Variants in BRI3 observed in about 807,000 individuals in gnomAD.
The protein encoded by BRI3 is membrane protein BRI3.
Under a neutral mutation model 12.8 loss-of-function variants are expected in BRI3, and 6 were observed. The observed-to-expected ratio is 0.47, with a 90% CI of 0.26 to 0.93. The LOEUF (loss-of-function observed/expected upper bound fraction) is 0.93. Ranked by LOEUF, BRI3 falls within the 40% of genes least tolerant of loss-of-function variation. The pLI is 0.15. For missense variants in BRI3, 134 were observed against 171.1 expected, an observed-to-expected ratio of 0.78 and a Z score of 1.21; for synonymous variants, 91 against 76.1, an observed-to-expected ratio of 1.20 and a Z score of -1.02.
upstream of BRI3, among the ~76,000 whole-genome samples, chr7:98,302,757 T>G (rs188702153): frequency 6.6e-6 from 1 of 152,282 alleles, no homozygotes; most frequent in East Asian, 1.9e-4. Flanking sequence ...TGGAGCTGAT[T>G]TGGATCCAGA....
At chr7:98,305,040 GTT>G (rs1386050479), upstream of BRI3, among the ~76,000 whole-genome samples, 1 of 87,152 alleles carries the variant, frequency 1.1e-5, no homozygotes, top group African/African-American at 5.1e-5. Flanking sequence ...TAATTTTTTT[GTT>G]TTTTGTTTTT....
upstream of BRI3, among the ~76,000 whole-genome samples, chr7:98,305,314 T>C (rs1029815928): frequency 9.1e-6 from 1 of 109,706 alleles, no homozygotes; most frequent in African/African-American, 3.3e-5. Context: ...AGCAATGAGC[T>C]AAGAGTTAAA....
intron 2 of BRI3, 114 bp from the exon 3 acceptor site, chr7:98,290,997 T>TC: frequency 8.1e-7 from 1 of 1,231,960 alleles, no homozygotes; most frequent in South Asian, 1.3e-5. Context: ...TCGCCAGAGG[T>TC]CCCCATGTGA....
chr7:98,292,553 C>A, downstream of BRI3: 1 of 1,296,968 alleles, frequency 7.7e-7, no homozygotes, highest in Non-Finnish European at 1.1e-6. Context: ...CTCAGGGCAG[C>A]CAGTGCGTAG....
chr7:98,300,089 C>G (rs899769884), intron 1 of BRI3, among the ~76,000 whole-genome samples: 1 of 152,324 alleles, frequency 6.6e-6, no homozygotes, highest in East Asian at 1.9e-4. Flanking sequence ...CTAGTTCCTT[C>G]GTTGCACCAT....
the BRI3 span, chr7:98,317,300 T>C: frequency 3.1e-6 from 5 of 1,614,224 alleles, no homozygotes; most frequent in Admixed American, 8.3e-5. Flanking sequence ...CAGCTTGGGA[T>C]TTCTCCAAAG....
downstream of BRI3, chr7:98,292,408 A>C: frequency 1.8e-6 from 1 of 550,948 alleles, no homozygotes; most frequent in Non-Finnish European, 3.2e-6. Context: ...TCCTGACCTC[A>C]GGTGATCCCC....
the BRI3 span, among the ~76,000 whole-genome samples, chr7:98,319,854 A>G: frequency 2.6e-5 from 4 of 152,188 alleles, no homozygotes; most frequent in Middle Eastern, 3.4e-3. Flanking sequence ...CCTGGCCCCT[A>G]TGCTTTCTAA....
chr7:98,317,399 C>T, the BRI3 span: 60 of 1,606,226 alleles, frequency 3.7e-5, no homozygotes, highest in Admixed American at 1.8e-4. Flanking sequence ...TGGCACCACA[C>T]GAATTGTCAC....
chr7:98,308,443 G>A (rs563307132), exon 2 of BRI3: 20 of 370,972 alleles, frequency 5.4e-5, no homozygotes, highest in South Asian at 3.0e-4. Flanking sequence ...TGCCAGTCAC[G>A]ATCTCAATGT....
downstream of BRI3, chr7:98,310,644 TAC>T (rs1483712975): frequency 2.2e-6 from 3 of 1,384,520 alleles, no homozygotes; most frequent in Non-Finnish European, 2.9e-6. Context: ...GAACCGGAAT[TAC>T]ACAGATTCCC....
chr7:98,315,612 A>G, the BRI3 span: 6 of 1,204,376 alleles, frequency 5.0e-6, no homozygotes, highest in Non-Finnish European at 6.5e-6. Context: ...GTCTCCACAT[A>G]CTAAAAAAAA....
At chr7:98,282,539 G>A in intron 2 of BRI3, 86 bp downstream of exon 2, 1 of 1,136,958 alleles carries the variant, frequency 8.8e-7, no homozygotes, top group Non-Finnish European at 1.3e-6. Flanking sequence ...CTCTGCTTGT[G>A]GGAGTGGGTC....
chr7:98,310,418 T>G, exon 2 of BRI3: 1 of 1,566,266 alleles, frequency 6.4e-7, no homozygotes, highest in Admixed American at 2.1e-5. Flanking sequence ...AAAGGTATCT[T>G]CAAATAAATC....
the BRI3 span, among the ~76,000 whole-genome samples, chr7:98,316,405 G>GT: frequency 6.6e-6 from 1 of 152,156 alleles, no homozygotes; most frequent in South Asian, 2.1e-4. Context: ...ATCATGGAGA[G>GT]TCCCTTCTTC....
intron 1 of BRI3, 88 bp downstream of exon 1, chr7:98,282,025 G>C (rs892227624): frequency 7.7e-7 from 1 of 1,304,360 alleles, no homozygotes; most frequent in Non-Finnish European, 9.7e-7. Context: ...GGTGGGGCCC[G>C]CCCGGGGGTC....
In BRI3 at chr7:98,282,363, A is replaced by G; in HGVS notation, c.155A>G (p.His52Arg). The G allele has an allele frequency of 1.9e-6, 3 of 1,613,848 alleles. No homozygotes were observed. Among genetic ancestry groups the G allele is most frequent in the Non-Finnish European group, 2.5e-6 (3 of 1,179,866 alleles). ...YPYLVTGIPT[H>R]HPRVYNIHSR... Reference sequence around the variant, plus strand: ...TTCCCGCCCACAGGGATACCCACCCACCATCCCAGGGTCTACAACATCCAC... The same window carrying G: ...TTCCCGCCCACAGGGATACCCACCCGCCATCCCAGGGTCTACAACATCCAC... Residue 52 changes from histidine (H) to arginine (R), a missense_variant, in exon 2 of 3, where the codon CAC becomes CGC. By Grantham distance (29) the His-to-Arg change is conservative. Coordinates refer to ENST00000297290, the MANE Select transcript of BRI3 (RefSeq NM_015379.5).
chr7:98,317,172 C>A, the BRI3 span: 2 of 1,612,626 alleles, frequency 1.2e-6, no homozygotes, highest in African/African-American at 1.3e-5. Context: ...TTAAACTGTG[C>A]AAATTGTCAA....
exon 2 of BRI3, chr7:98,309,021 C>CA (rs1376929924): frequency 6.6e-6 from 1 of 151,134 alleles, no homozygotes; most frequent in African/African-American, 2.4e-5. Context: ...AGTAATACAA[C>CA]AAGCATCTTT....
Sources: gnomAD v4.1 joint callset for allele counts (sites outside exome capture counted in the v4.1 genomes callset) on GRCh38, gnomAD v4.1.1 for gene constraint, MANE v1.5 for transcripts, NCBI Gene and HGNC (gene_info 2026-07-23, HGNC 2026-07-21) for gene names.